MYLK2: variants seen among roughly 807,000 people sequenced by gnomAD.
MYLK2 encodes myosin light chain kinase 2.
Under a neutral mutation model 58.2 loss-of-function variants are expected in MYLK2, and 27 were observed. That is an observed-to-expected ratio of 0.46 (90% confidence interval 0.34 to 0.64). The LOEUF (loss-of-function observed/expected upper bound fraction) is 0.64. Among genes scored for constraint, MYLK2 ranks in the 30% least tolerant of loss-of-function variants. The probability of loss-of-function intolerance (pLI) is 0.01; values close to 1 mark genes in which losing one functional copy is unlikely to be tolerated. For synonymous variants in MYLK2, 310 were observed against 296.7 expected, an observed-to-expected ratio of 1.04 and a Z score of -0.46; for missense variants, 676 against 764.3, an observed-to-expected ratio of 0.88 and a Z score of 1.36.
intron 8 of MYLK2, 70 bp from the exon 9 acceptor site, chr20:31,830,749 G>T (rs2062301804): frequency 6.5e-7 from 1 of 1,528,694 alleles, no homozygotes. Flanking sequence ...CCTGGGGTTT[G>T]CACGGGCCTG....
intron 8 of MYLK2, chr20:31,827,491 C>A: frequency 1.0e-6 from 1 of 985,392 alleles, no homozygotes; most frequent in South Asian, 4.7e-5. Context: ...TAGGCGCTAA[C>A]AACAATGTTT....
In MYLK2 at chr20:31,828,695, C is replaced by T. The variant is rs544085191; in HGVS notation, c.1224+1757C>T. 1.1e-4 allele frequency: 109 copies of T among 985,416 alleles called. No homozygotes were observed. The East Asian group carries it at 9.9e-3, about 89-fold the overall frequency. The allele number at this position is 985,416 out of a possible 1,614,324, so 61.0% of individuals were successfully genotyped here. ...GAAGCAGGCAGGGAGATGCTGTTGC[C>T]GCCTCTAACACCTGTCCCAGTTTTG... On this transcript the variant is annotated intron_variant, in intron 8 of 12. Transcript: ENST00000375985.
At chr20:31,825,068 C>G (rs200034660) in intron 6 of MYLK2, among the ~76,000 whole-genome samples, 8 of 152,104 alleles carry the variant, frequency 5.3e-5, no homozygotes, top group Admixed American at 5.2e-4. Context: ...AGGAAAGGCT[C>G]GAGGGCCAGA....
At chr20:31,830,623 C>T (rs1165123143) in intron 8 of MYLK2, among the ~76,000 whole-genome samples, 196 bp from the exon 9 acceptor site, 1 of 152,220 alleles carries the variant, frequency 6.6e-6, no homozygotes. Flanking sequence ...TTCAAGGCCT[C>T]GCATAAGCCC....
intron 4 of MYLK2, 40 bp downstream of exon 4, chr20:31,821,777 C>T: frequency 6.5e-7 from 1 of 1,537,618 alleles, no homozygotes; most frequent in Non-Finnish European, 8.8e-7. Flanking sequence ...TGCCCTGGGG[C>T]CAGGGGGAGG....
rs1484040657 is a variant in MYLK2 at position 31,820,452 on chromosome 20, A to G, written c.379A>G (p.Arg127Gly). ...AGGCAGCCAGGATCCTGGAAAGCCC[A>G]GGGTGGGCAAGAAGGCAGCAGAGGG... ...ASGSQDPGKP[R>G]VGKKAAEGQA... Residue 127 changes from arginine (R) to glycine (G), a missense_variant, in exon 3 of 13, where the codon AGG (arginine) becomes GGG (glycine). By Grantham distance (125) the Arg-to-Gly change is moderately radical. Around this residue, in one of 2 missense-constraint regions of MYLK2, gnomAD observed 306 missense variants for 296.5 expected, o/e 1.03. Coordinates refer to ENST00000375985, the MANE Select transcript of MYLK2 (RefSeq NM_033118.4). 1 of 1,612,234 alleles carries G rather than the reference A, an allele frequency of 6.2e-7. No individual in the cohort carries two copies. The highest frequency in any genetic ancestry group is 8.5e-7 in the Non-Finnish European group (1 of 1,179,990).
intron 1 of MYLK2, 30 bp from the exon 2 acceptor site, chr20:31,819,503 G>T (rs1218161336): frequency 6.5e-7 from 1 of 1,538,124 alleles, no homozygotes; most frequent in Non-Finnish European, 8.8e-7. Context: ...AAATTGGACA[G>T]CCTGACACAC....
chr20:31,821,836 C>G, intron 4 of MYLK2, 99 bp downstream of exon 4: 1 of 1,240,964 alleles, frequency 8.1e-7, no homozygotes, highest in Admixed American at 2.5e-5. Context: ...TCTGAACTGC[C>G]CTGAGCCAAG....
chr20:31,822,630 G>A (rs2062257023), intron 4 of MYLK2, among the ~76,000 whole-genome samples: 1 of 152,112 alleles, frequency 6.6e-6, no homozygotes, highest in South Asian at 2.1e-4. Flanking sequence ...GATGGGGTCA[G>A]GAGAACCCAG....
At chr20:31,819,968 T>C (rs2062243018) in intron 2 of MYLK2, among the ~76,000 whole-genome samples, 158 bp from the exon 3 acceptor site, 1 of 152,158 alleles carries the variant, frequency 6.6e-6, no homozygotes, top group Admixed American at 6.5e-5. Flanking sequence ...GCAGCTCATC[T>C]CTAGGGGCCA....
chr20:31,820,382 A>T lies in MYLK2; in HGVS notation c.309A>T (p.Thr103=), dbSNP rs1269686595. 2.5e-6 allele frequency: 4 copies of T among 1,612,616 alleles called. No individual in the cohort carries two copies. Among genetic ancestry groups the T allele is most frequent in the Non-Finnish European group, 3.4e-6 (4 of 1,179,688 alleles). Reference sequence around the variant, plus strand: ...CAGCCCTGCCCCAGCAGACTGCGACACCTGAGACCAGCGTCAAGAAGCCCA... The same window carrying T: ...CAGCCCTGCCCCAGCAGACTGCGACTCCTGAGACCAGCGTCAAGAAGCCCA... ...PPAALPQQTA[T]PETSVKKPKA... The change falls in exon 3 of 13, where the codon ACA becomes ACT. Residue 103 remains threonine, a synonymous_variant. Transcript: ENST00000375985.
chr20:31,819,536 G>T lies in MYLK2; in HGVS notation c.-45G>T. The T allele has an allele frequency of 6.4e-7, 1 of 1,551,144 alleles. No homozygotes were observed. The highest frequency in any genetic ancestry group is 8.7e-7 in the Non-Finnish European group (1 of 1,146,796). ...CACTCCACTCTTGTTTCTGCAGCTA[G>T]AAAGACTTGAGTTAGACAAGCAGCA... On this transcript the variant is annotated 5_prime_UTR_variant, in exon 2 of 13. Coordinates refer to ENST00000375985, the MANE Select transcript of MYLK2 (RefSeq NM_033118.4).
chr20:31,821,946 G>T (rs2062254109), intron 4 of MYLK2, among the ~76,000 whole-genome samples: 1 of 152,116 alleles, frequency 6.6e-6, no homozygotes, highest in Non-Finnish European at 1.5e-5. Context: ...AAAAGATAGG[G>T]TCTTGCTACG....
intron 12 of MYLK2, among the ~76,000 whole-genome samples, chr20:31,832,743 C>T (rs796240661): frequency 4.6e-5 from 7 of 152,010 alleles, no homozygotes; most frequent in Admixed American, 3.9e-4. Flanking sequence ...CACCTGCCTC[C>T]GCCTCCCAAA....
chr20:31,831,342 C>T (rs568679436), intron 10 of MYLK2, among the ~76,000 whole-genome samples: 2 of 151,836 alleles, frequency 1.3e-5, no homozygotes, highest in African/African-American at 4.8e-5. Context: ...AACCAAGGTC[C>T]CTATAAAGGC....
intron 6 of MYLK2, among the ~76,000 whole-genome samples, chr20:31,825,083 G>A (rs2062272126): frequency 6.6e-6 from 1 of 152,202 alleles, no homozygotes. Context: ...GCCAGAGATA[G>A]CAGGAGGTGC....
chr20:31,832,940 T>A (rs1298299984), intron 12 of MYLK2, among the ~76,000 whole-genome samples: 1 of 152,118 alleles, frequency 6.6e-6, no homozygotes, highest in Non-Finnish European at 1.5e-5. Context: ...CCAGCTGGAG[T>A]GCAGTGGCGC....
Position 31,824,322 on chromosome 20 carries a change from G to A in MYLK2, c.942G>A (p.Lys314=). The A allele has an allele frequency of 1.2e-6, 2 of 1,613,230 alleles. No individual in the cohort carries two copies. The highest frequency in any genetic ancestry group is 1.7e-6 in the Non-Finnish European group (2 of 1,179,570). ...EKATGLKLAA[K]VIKKQTPKDK... is the part of the protein sequence containing the mutation. ...CCACAGGCCTCAAGCTGGCAGCCAA[G>A]GTCATCAAGAAACAGACTCCCAAAG... The change falls in exon 6 of 13, where the codon AAG becomes AAA. Residue 314 remains lysine (K), a synonymous_variant. Coordinates refer to ENST00000375985, the MANE Select transcript of MYLK2 (RefSeq NM_033118.4).
intron 8 of MYLK2, among the ~76,000 whole-genome samples, chr20:31,828,931 T>C (rs1600412374): frequency 6.6e-6 from 1 of 151,678 alleles, no homozygotes; most frequent in African/African-American, 2.4e-5. Flanking sequence ...AGAGTGGCAG[T>C]GGGAGAGGGG....
Sources: allele counts gnomAD v4.1 joint callset (sites outside exome capture counted in the v4.1 genomes callset), GRCh38; gene constraint gnomAD v4.1.1; regional missense constraint gnomAD v4.1.1; transcripts MANE v1.5; gene names NCBI Gene and HGNC (gene_info 2026-07-23, HGNC 2026-07-21).